The following LMOD1 variants were observed in gnomAD, a reference collection of about 807,000 sequenced individuals.
LMOD1 encodes the protein leiomodin-1.
LMOD1 carries 8 observed loss-of-function variants against 36.5 expected under a neutral mutation model. The observed-to-expected ratio is 0.22, with a 90% CI of 0.13 to 0.40. The LOEUF is 0.40. Ranked by LOEUF, LMOD1 falls within the 10% of genes least tolerant of loss-of-function variation. LMOD1 has a pLI of 1.00. For missense variants in LMOD1, 630 were observed against 751.1 expected, an observed-to-expected ratio of 0.84 and a Z score of 1.88; for synonymous variants, 284 against 288.7, an observed-to-expected ratio of 0.98 and a Z score of 0.17.
In LMOD1 at chr1:201,899,453, A is replaced by G. The variant is rs1306806123; in HGVS notation, c.1560T>C (p.Ser520=). 1 of 1,613,618 alleles carries G rather than the reference A, an allele frequency of 6.2e-7. No homozygotes were observed. Among genetic ancestry groups the G allele is most frequent in the African/African-American group, 1.3e-5 (1 of 74,840 alleles). Reference sequence around the variant, plus strand: ...CCCCTTTTTTGGGTGAGTTCTTTGGAGAGGGCTTTGGAGATGGTTGAGGTG... The same window carrying G: ...CCCCTTTTTTGGGTGAGTTCTTTGGGGAGGGCTTTGGAGATGGTTGAGGTG... ...KPSPQPSPKP[S]PKNSPKKGGA... is the part of the protein sequence containing the mutation. Residue 520 remains serine (S), a synonymous_variant, in exon 2 of 3, where the codon TCT becomes TCC. Transcript: ENST00000367288. The surrounding 1 kb of genome is among the most constrained non-coding windows in gnomAD (Gnocchi z 6.3).
At chr1:201,931,014 C>T (rs1041882629) in intron 1 of LMOD1, among the ~76,000 whole-genome samples, 3 of 152,122 alleles carry the variant, frequency 2.0e-5, no homozygotes, top group Non-Finnish European at 2.9e-5. Context: ...GGGGCAGAGA[C>T]GTCCAGGGTG....
chr1:201,911,284 G>T (rs998600491), intron 1 of LMOD1, among the ~76,000 whole-genome samples: 1 of 152,156 alleles, frequency 6.6e-6, no homozygotes, highest in Non-Finnish European at 1.5e-5. Flanking sequence ...CTGAGAGGAG[G>T]GACCATCTAG....
rs1434556238 is a variant in LMOD1, at chr1:201,897,323, A to G, written c.*1049T>C. 1.2e-5 allele frequency: 2 copies of G among 160,020 alleles called. No individual in the cohort carries two copies. The highest frequency in any genetic ancestry group is 2.4e-5 in the African/African-American group (1 of 41,504). 9.9% of individuals were successfully genotyped at this position (160,020 alleles called of 1,614,324 possible). On this transcript the variant is annotated 3_prime_UTR_variant, in exon 3 of 3. Transcript: ENST00000367288. ...ATCCCTGAACATGCCTAATATAGCCATCCCAGCACCCTGGGCTCCACTCTG... is the reference window on the plus strand; with the variant it reads ...ATCCCTGAACATGCCTAATATAGCCGTCCCAGCACCCTGGGCTCCACTCTG...
At chr1:201,942,165 T>G (rs1028195296) in intron 1 of LMOD1, among the ~76,000 whole-genome samples, 1 of 151,992 alleles carries the variant, frequency 6.6e-6, no homozygotes, top group Admixed American at 6.6e-5. Flanking sequence ...ACCTCTACCC[T>G]CCCCAATCCC....
chr1:201,923,616 A>G (rs937305674), intron 1 of LMOD1, among the ~76,000 whole-genome samples: 4 of 152,228 alleles, frequency 2.6e-5, no homozygotes, highest in African/African-American at 9.6e-5. Flanking sequence ...TAATCCCAGC[A>G]CTTTGAGAGG....
chr1:201,937,303 T>C (rs973158497), intron 1 of LMOD1, among the ~76,000 whole-genome samples: 12 of 151,518 alleles, frequency 7.9e-5, no homozygotes, highest in African/African-American at 2.9e-4. Flanking sequence ...AAAAATTATC[T>C]GGGCGCGGTG....
intron 1 of LMOD1, among the ~76,000 whole-genome samples, chr1:201,907,092 T>A (rs896605996): frequency 1.3e-5 from 2 of 152,116 alleles, no homozygotes; most frequent in African/African-American, 4.8e-5. Context: ...AAACTACAGG[T>A]TCCCTTTACG....
At position 201,931,905 on chromosome 1, in the gene LMOD1, A is replaced by G. The variant is rs193215180; in HGVS notation, c.261+14175T>C. Among the ~76,000 whole-genome samples, 19 of 152,264 alleles carry G rather than the reference A, an allele frequency of 1.2e-4. 2 individuals carry two copies. Among genetic ancestry groups the G allele is most frequent in the African/African-American group, 4.6e-4 (19 of 41,544 alleles). ...GACAGGGCCAGACCCTGTATCAAAA[A>G]AAAACAAACTAATTTTTAGAATAGT... On this transcript the variant is annotated intron_variant, in intron 1 of 2. Transcript: ENST00000367288.
At chr1:201,933,707 C>G (rs1681969925) in intron 1 of LMOD1, among the ~76,000 whole-genome samples, 1 of 149,822 alleles carries the variant, frequency 6.7e-6, no homozygotes, top group African/African-American at 2.5e-5. Context: ...TGCTGTGGTG[C>G]TGACAACATT....
At position 201,900,737 on chromosome 1, in the gene LMOD1, C is replaced by T; in HGVS notation, c.276G>A (p.Val92=). The T allele has an allele frequency of 6.3e-7, 1 of 1,579,098 alleles. No individual in the cohort carries two copies. The highest frequency in any genetic ancestry group is 8.6e-7 in the Non-Finnish European group (1 of 1,166,966). Residue 92 remains valine (V), a synonymous_variant, in exon 2 of 3, where the codon GTG becomes GTA. Coordinates refer to ENST00000367288, the MANE Select transcript of LMOD1 (RefSeq NM_012134.3). ...REMSMDESKQ[V]ETKTDAKNGE... ...CATTCTTGGCATCTGTCTTGGTCTC[C>T]ACTTGCTTGCTTTCCTAAGAATTCA...
intron 1 of LMOD1, among the ~76,000 whole-genome samples, chr1:201,922,336 C>G (rs572564119): frequency 6.6e-6 from 1 of 152,258 alleles, no homozygotes; most frequent in South Asian, 2.1e-4. Context: ...ATGGAAAGCA[C>G]CCAAAGTCTA....
intron 1 of LMOD1, among the ~76,000 whole-genome samples, chr1:201,901,612 A>G (rs1681319757): frequency 2.9e-5 from 1 of 34,418 alleles, no homozygotes; most frequent in Non-Finnish European, 5.7e-5. Flanking sequence ...ATATATATAC[A>G]CATATATATG....
chr1:201,939,131 A>C (rs1257243661), intron 1 of LMOD1, among the ~76,000 whole-genome samples: 7 of 138,786 alleles, frequency 5.0e-5, no homozygotes, highest in South Asian at 2.3e-4. Context: ...CTTCACACTC[A>C]CTGATGGTTT....
intron 1 of LMOD1, among the ~76,000 whole-genome samples, chr1:201,935,319 C>CT (rs35542093): frequency 0.18 from 24,966 of 138,214 alleles, 2,317 homozygotes; most frequent in South Asian, 0.23. Flanking sequence ...ATTTGATGTC[C>CT]TTTTTTTTTT....
At chr1:201,901,645 T>C (rs371135337) in intron 1 of LMOD1, among the ~76,000 whole-genome samples, 3,976 of 30,722 alleles carry the variant, frequency 0.13, 626 homozygotes, top group East Asian at 0.58. Context: ...TATATATATA[T>C]ATACATATAT....
At chr1:201,928,287 G>A (rs1265960883) in intron 1 of LMOD1, among the ~76,000 whole-genome samples, 6 of 152,100 alleles carry the variant, frequency 3.9e-5, no homozygotes, top group East Asian at 3.8e-4. Context: ...TTTTTCCAGC[G>A]CTTAATTCTC....
chr1:201,916,576 C>CAAA (rs59474075), intron 1 of LMOD1, among the ~76,000 whole-genome samples: 2 of 151,764 alleles, frequency 1.3e-5, no homozygotes, highest in African/African-American at 2.4e-5. Flanking sequence ...GAAAAAGAAA[C>CAAA]AAAATTGTCT....
intron 1 of LMOD1, among the ~76,000 whole-genome samples, chr1:201,903,181 C>T (rs1184951958): frequency 1.3e-5 from 2 of 152,238 alleles, no homozygotes; most frequent in African/African-American, 4.8e-5. Flanking sequence ...CCTATGGAAA[C>T]GGTTTGTACC....
chr1:201,914,314 C>T (rs898151109), intron 1 of LMOD1, among the ~76,000 whole-genome samples: 3 of 152,168 alleles, frequency 2.0e-5, no homozygotes, highest in Admixed American at 6.5e-5. Flanking sequence ...GGCGCCAATG[C>T]TGAGGACCAG....
Sources: gnomAD v4.1 joint callset for allele counts (sites outside exome capture counted in the v4.1 genomes callset) on GRCh38, gnomAD v4.1.1 for gene constraint, Gnocchi (gnomAD v3.1) non-coding constraint, MANE v1.5 for transcripts, NCBI Gene and HGNC (gene_info 2026-07-23, HGNC 2026-07-21) for gene names.